CNTNAP2: variants seen among roughly 807,000 people sequenced by gnomAD.
CNTNAP2 encodes contactin associated protein 2, also known as contactin-associated protein-like 2.
Under a neutral mutation model 155.2 loss-of-function variants are expected in CNTNAP2, and 98 were observed. That is an observed-to-expected ratio of 0.63 (90% CI 0.54 to 0.75). The LOEUF (loss-of-function observed/expected upper bound fraction) is 0.75. Ranked by LOEUF, CNTNAP2 falls within the 30% of genes least tolerant of loss-of-function variation. The pLI is 0.00. For missense variants in CNTNAP2, 1,727 were observed against 1,688.1 expected, an observed-to-expected ratio of 1.02 and a Z score of -0.40; for synonymous variants, 651 against 631.2, an observed-to-expected ratio of 1.03 and a Z score of -0.47.
chr7:147,317,887 C>G (rs1203885369), intron 9 of CNTNAP2, among the ~76,000 whole-genome samples: 2 of 151,278 alleles, frequency 1.3e-5, no homozygotes, highest in African/African-American at 4.9e-5. Flanking sequence ...TTTCCCTTCT[C>G]TTAACTTTCT....
intron 15 of CNTNAP2, among the ~76,000 whole-genome samples, chr7:148,016,470 C>T (rs926431434): frequency 7.9e-5 from 12 of 152,320 alleles, no homozygotes; most frequent in African/African-American, 2.4e-4. Flanking sequence ...TCTTCAGCAG[C>T]GTTCATATCA....
chr7:146,366,688 A>G (rs1376422672), intron 1 of CNTNAP2, among the ~76,000 whole-genome samples: 1 of 152,144 alleles, frequency 6.6e-6, no homozygotes, highest in Non-Finnish European at 1.5e-5. Context: ...ATTGTCCATC[A>G]TTTATTTATG....
At chr7:148,118,059 T>C in intron 15 of CNTNAP2, 59 bp from the exon 16 acceptor site, 1 of 1,579,264 alleles carries the variant, frequency 6.3e-7, no homozygotes, top group Admixed American at 1.7e-5. Flanking sequence ...GGGTATCTGT[T>C]ACATGACTAG....
At chr7:146,809,754 T>C (rs1803031094) in intron 2 of CNTNAP2, among the ~76,000 whole-genome samples, 1 of 152,240 alleles carries the variant, frequency 6.6e-6, no homozygotes. Context: ...TTCTAGACAT[T>C]AACCCTTTAT....
chr7:146,396,708 CAT>C lies in CNTNAP2; in HGVS notation c.97+279744_97+279745del, dbSNP rs57803192. Among the ~76,000 whole-genome samples, 17 of 150,030 alleles carry C rather than the reference CAT, an allele frequency of 1.1e-4. No homozygotes were observed. The South Asian group carries it at 1.5e-3, about 13-fold the overall frequency. ...GTTAGTTTTGGAGAATATTTATATA[CAT>C]ATATATATGTGTATATATATGTATA... On this transcript the variant is annotated intron_variant, in intron 1 of 23. Transcript: ENST00000361727.
chr7:146,360,693 T>C (rs559507806), intron 1 of CNTNAP2, among the ~76,000 whole-genome samples: 1 of 152,298 alleles, frequency 6.6e-6, no homozygotes, highest in South Asian at 2.1e-4. Flanking sequence ...ATCCCCAGAT[T>C]CCAGTTCAGA....
intron 15 of CNTNAP2, among the ~76,000 whole-genome samples, chr7:148,105,639 G>A (rs920668742): frequency 3.3e-5 from 5 of 151,524 alleles, no homozygotes; most frequent in Non-Finnish European, 7.4e-5. Context: ...CCAGGCTGGA[G>A]CGCAATGGCA....
At chr7:146,182,256 G>T in intron 1 of CNTNAP2, among the ~76,000 whole-genome samples, 1 of 152,006 alleles carries the variant, frequency 6.6e-6, no homozygotes, top group African/African-American at 2.4e-5. Flanking sequence ...TTGTTTGTTT[G>T]ATTTTGTCTA....
intron 1 of CNTNAP2, among the ~76,000 whole-genome samples, chr7:146,712,402 A>ACTATATAGTATACATATCT (rs1585053219): frequency 2.5e-4 from 27 of 108,108 alleles, no homozygotes; most frequent in Admixed American, 7.5e-4. Context: ...TATAAATAAA[A>ACTATATAGTATACATATCT]TAAAAAACAG....
At position 146,211,026 on chromosome 7, in the gene CNTNAP2, G is replaced by A. The variant is rs557238974; in HGVS notation, c.97+94053G>A. 3.7e-4 allele frequency among the ~76,000 whole-genome samples: 57 copies of A among 152,238 alleles called. 3 individuals carry two copies. In the South Asian group the frequency reaches 0.011, roughly 29 times the overall value. On this transcript the variant is annotated intron_variant, in intron 1 of 23. Coordinates refer to ENST00000361727, the MANE Select transcript of CNTNAP2 (RefSeq NM_014141.6). Reference sequence around the variant, plus strand: ...AATTGAATGTTGATTTTGGAGAAAAGAAAGAAGAATGAAAGCAAATTTTTA... The same window carrying A: ...AATTGAATGTTGATTTTGGAGAAAAAAAAGAAGAATGAAAGCAAATTTTTA...
chr7:146,317,426 G>T (rs970321563), intron 1 of CNTNAP2, among the ~76,000 whole-genome samples: 1 of 152,068 alleles, frequency 6.6e-6, no homozygotes, highest in Non-Finnish European at 1.5e-5. Context: ...CCTGCATGTT[G>T]TACCTGAGAG....
At chr7:146,715,904 G>A (rs751258432) in intron 1 of CNTNAP2, among the ~76,000 whole-genome samples, 20 of 152,082 alleles carry the variant, frequency 1.3e-4, no homozygotes, top group Non-Finnish European at 2.5e-4. Context: ...CTCTGTTAGA[G>A]TGTTCAGCAA....
At chr7:148,215,845 G>A (rs150015190) in intron 18 of CNTNAP2, among the ~76,000 whole-genome samples, 4 of 152,126 alleles carry the variant, frequency 2.6e-5, no homozygotes, top group Non-Finnish European at 4.4e-5. Flanking sequence ...GTCGGACTTC[G>A]CTGCTCTGTG....
chr7:147,655,184 A>G (rs112454873), intron 13 of CNTNAP2, among the ~76,000 whole-genome samples: 18,293 of 151,528 alleles, frequency 0.12, 1,433 homozygotes, highest in Middle Eastern at 0.24. Flanking sequence ...GTGCAGTGGC[A>G]CAATCTTGGC....
chr7:147,106,019 A>T (rs1335585009), intron 4 of CNTNAP2, among the ~76,000 whole-genome samples: 1 of 152,088 alleles, frequency 6.6e-6, no homozygotes, highest in Non-Finnish European at 1.5e-5. Flanking sequence ...ATTTGCGTAA[A>T]TCATTACTCT....
At position 146,958,407 on chromosome 7, in the gene CNTNAP2, G is replaced by GTTTTT. The variant is rs71165054; in HGVS notation, c.403-85480_403-85476dup. 1.2e-3 allele frequency among the ~76,000 whole-genome samples: 97 copies of GTTTTT among 78,050 alleles called. 2 individuals carry two copies. Among genetic ancestry groups the GTTTTT allele is most frequent in the African/African-American group, 1.5e-3 (31 of 20,060 alleles). 51.2% of individuals were successfully genotyped at this position (78,050 alleles called of 152,430 possible). ...TTTTTCTTCACAACACATTTTTATG[G>GTTTTT]TTTTTTTTTTTTTTTTTTTTTTTTG... On this transcript the variant is annotated intron_variant, in intron 3 of 23. Coordinates refer to ENST00000361727, the MANE Select transcript of CNTNAP2 (RefSeq NM_014141.6).
intron 1 of CNTNAP2, among the ~76,000 whole-genome samples, chr7:146,547,572 A>T (rs560212920): frequency 6.6e-6 from 1 of 151,968 alleles, no homozygotes; most frequent in Non-Finnish European, 1.5e-5. Context: ...CAGAGAAATC[A>T]TGCAGGATTT....
At chr7:147,776,053 G>C (rs1797580049) in intron 13 of CNTNAP2, among the ~76,000 whole-genome samples, 1 of 152,096 alleles carries the variant, frequency 6.6e-6, no homozygotes, top group South Asian at 2.1e-4. Flanking sequence ...CCCTGGAACT[G>C]TTCCCTAGTA....
intron 1 of CNTNAP2, among the ~76,000 whole-genome samples, chr7:146,236,570 C>G (rs1461429561): frequency 2.0e-5 from 3 of 152,178 alleles, no homozygotes; most frequent in Middle Eastern, 3.4e-3. Context: ...GTGCTGCATA[C>G]TAATAAAAAC....
Sources: allele counts gnomAD v4.1 joint callset (sites outside exome capture counted in the v4.1 genomes callset), GRCh38; gene constraint gnomAD v4.1.1; transcripts MANE v1.5; gene names NCBI Gene and HGNC (gene_info 2026-07-23, HGNC 2026-07-21).